Variants in SEMA3G observed in about 807,000 individuals in gnomAD.
The protein encoded by SEMA3G is semaphorin-3G.
Under a neutral mutation model 86.2 loss-of-function variants are expected in SEMA3G, and 70 were observed. The ratio of observed to expected loss-of-function variants is 0.81; its 90% CI spans 0.67 to 0.99. The LOEUF is 0.99. Ranked by LOEUF, SEMA3G falls within the 50% of genes least tolerant of loss-of-function variation. The pLI, the probability that SEMA3G is intolerant of heterozygous loss-of-function variation, is 0.00. For missense variants in SEMA3G, 1,002 were observed against 1,072.4 expected, an observed-to-expected ratio of 0.93 and a Z score of 0.92; for synonymous variants, 416 against 441.4, an observed-to-expected ratio of 0.94 and a Z score of 0.72.
chr3:52,442,919 T>C lies in SEMA3G; in HGVS notation c.116-12A>G, dbSNP rs372861327. Reference sequence around the variant, plus strand: ...GGCAGACAGGAGGTCTAGGAGGATGTATGGGGAGGCAGATCAGGGCCACAG... The same window carrying C: ...GGCAGACAGGAGGTCTAGGAGGATGCATGGGGAGGCAGATCAGGGCCACAG... On this transcript the variant is annotated splice_polypyrimidine_tract_variant and intron_variant, in intron 1 of 15. Transcript: ENST00000231721. This position sits in a 1 kb window ranked among gnomAD's most constrained non-coding sequence, Gnocchi z 6.1. 1.2e-5 allele frequency: 19 copies of C among 1,580,584 alleles called. No homozygotes were observed. The highest frequency in any genetic ancestry group is 1.6e-5 in the Non-Finnish European group (19 of 1,163,302).
rs761091278 is a variant in SEMA3G at position 52,433,867 on chromosome 3, C to G, written c.*1736G>C. ...CCCCATCCTTTCCTCCTCTCCTCCT[C>G]TGCCTTGACCAGCTGACCTCCCAGC... On this transcript the variant is annotated 3_prime_UTR_variant, in exon 16 of 16. Transcript: ENST00000231721. 1.3e-5 allele frequency: 2 copies of G among 152,502 alleles called. No individual in the cohort carries two copies. Among genetic ancestry groups the G allele is most frequent in the Non-Finnish European group, 2.9e-5 (2 of 68,216 alleles). The allele number at this position is 152,502 out of a possible 1,614,324, so 9.4% of individuals were successfully genotyped here.
rs774949591 is a variant in SEMA3G, at chr3:52,435,790, C to A, written c.2162G>T (p.Arg721Leu). ...CACGCGCTCACAGTACTCATCCACC[C>A]GGGGCAGGTTGGCGAAGCCAATGAG... is the stretch of plus-strand genomic sequence containing the variant. ...LQLIGFANLP[R>L]VDEYCERVWC... The change falls in exon 16 of 16, where the codon CGG becomes CTG. Residue 721 changes from arginine (R) to leucine (L), a missense_variant. By Grantham distance (102) the Arg-to-Leu change is moderately radical. Transcript: ENST00000231721. 1.2e-6 allele frequency: 2 copies of A among 1,614,156 alleles called. No individual in the cohort carries two copies. Among genetic ancestry groups the A allele is most frequent in the Non-Finnish European group, 1.7e-6 (2 of 1,180,028 alleles).
chr3:52,442,348 C>T lies in SEMA3G; in HGVS notation c.340-44G>A, dbSNP rs200247801. The T allele has an allele frequency of 4.1e-3, 6,637 of 1,599,500 alleles. 34 individuals are homozygous for T. Among genetic ancestry groups the T allele is most frequent in the South Asian group, 9.4e-3 (849 of 89,936 alleles). ...GGTGGTTGAGGGGTGAGAGGGGGTG[C>T]CCACCATCTCCTTGGGGCCCAAGGC... On this transcript the variant is annotated intron_variant, in intron 3 of 15. Transcript: ENST00000231721. This position sits in a 1 kb window ranked among gnomAD's most constrained non-coding sequence, Gnocchi z 6.1.
In SEMA3G at chr3:52,442,390, G is replaced by T. The variant is rs1430695453; in HGVS notation, c.340-86C>A. ...GCCCAAGGCTCAGCCCTGTCTGGCG[G>T]TCAGCTCTGGGGAGGGGGGTGGGTG... On this transcript the variant is annotated intron_variant, in intron 3 of 15. Transcript: ENST00000231721. This position sits in a 1 kb window ranked among gnomAD's most constrained non-coding sequence, Gnocchi z 6.1. The T allele has an allele frequency of 7.2e-6, 5 of 697,352 alleles. No homozygotes were observed. Among genetic ancestry groups the T allele is most frequent in the Non-Finnish European group, 1.2e-5 (5 of 430,038 alleles). The allele number at this position is 697,352 out of a possible 1,614,324, so 43.2% of individuals were successfully genotyped here.
intron 8 of SEMA3G, 43 bp downstream of exon 8, chr3:52,440,891 C>T: frequency 6.3e-7 from 1 of 1,598,826 alleles, no homozygotes; most frequent in Non-Finnish European, 8.5e-7. Context: ...GCTCTCAGCC[C>T]TCCCCACTCC....
At position 52,442,354 on chromosome 3, in the gene SEMA3G, A is replaced by C. The variant is rs767016009; in HGVS notation, c.340-50T>G. 1 of 1,347,664 alleles carries C rather than the reference A, an allele frequency of 7.4e-7. No homozygotes were observed. Among genetic ancestry groups the C allele is most frequent in the Non-Finnish European group, 9.9e-7 (1 of 1,012,548 alleles). 83.5% of individuals were successfully genotyped at this position (1,347,664 alleles called of 1,614,324 possible). On this transcript the variant is annotated intron_variant, in intron 3 of 15. Transcript: ENST00000231721. This position sits in a 1 kb window ranked among gnomAD's most constrained non-coding sequence, Gnocchi z 6.1. ...TGAGGGGTGAGAGGGGGTGCCCACCATCTCCTTGGGGCCCAAGGCTCAGCC... is the reference window on the plus strand; with the variant it reads ...TGAGGGGTGAGAGGGGGTGCCCACCCTCTCCTTGGGGCCCAAGGCTCAGCC...
intron 15 of SEMA3G, among the ~76,000 whole-genome samples, chr3:52,437,257 A>G (rs1025209006): frequency 2.0e-5 from 3 of 152,108 alleles, no homozygotes; most frequent in African/African-American, 7.2e-5. Context: ...AACATGGGAG[A>G]CTTACTGGCC....
intron 13 of SEMA3G, chr3:52,438,687 C>T: frequency 3.0e-6 from 3 of 985,512 alleles, no homozygotes; most frequent in South Asian, 9.4e-5. Context: ...CACACTTTTG[C>T]CTCCCTTAGG....
At chr3:52,440,599 A>G in intron 9 of SEMA3G, 78 bp from the exon 10 acceptor site, 1 of 1,507,188 alleles carries the variant, frequency 6.6e-7, no homozygotes, top group Non-Finnish European at 9.0e-7. Flanking sequence ...CATGGGCAGG[A>G]CAGAGGGTGA....
At position 52,440,951 on chromosome 3, in the gene SEMA3G, G is replaced by A. The variant is rs965238255; in HGVS notation, c.911C>T (p.Thr304Ile). 6.2e-7 allele frequency: 1 copy of A among 1,606,008 alleles called. No individual in the cohort carries two copies. The highest frequency in any genetic ancestry group is 1.1e-5 in the South Asian group (1 of 90,468). Residue 304 changes from threonine to isoleucine, a missense_variant, in exon 8 of 16, where the codon ACC becomes ATC. Thr to Ile is a moderately conservative substitution (Grantham distance 89). Transcript: ENST00000231721. Reference protein sequence around the residue: ...CSVPGPGGAETHFDQLEDVFL... With the variant: ...CSVPGPGGAEIHFDQLEDVFL... ...GCCCTCACCTAGCTGGTCAAAGTGG[G>A]TCTCGGCACCACCAGGGCCGGGCAC...
Position 52,434,048 on chromosome 3 carries a change from A to G in SEMA3G, c.*1555T>C, listed in dbSNP as rs1705999521. ...AGGGGTAAGGGAAAGATAAAACCCAAGGCAGTCTGGGTTTGAGTTTCAATA... is the reference window on the plus strand; with the variant it reads ...AGGGGTAAGGGAAAGATAAAACCCAGGGCAGTCTGGGTTTGAGTTTCAATA... On this transcript the variant is annotated 3_prime_UTR_variant, in exon 16 of 16. Coordinates refer to ENST00000231721, the MANE Select transcript of SEMA3G (RefSeq NM_020163.3). This position sits in a 1 kb window ranked among gnomAD's most constrained non-coding sequence, Gnocchi z 5.2. 1.3e-5 allele frequency: 2 copies of G among 152,122 alleles called. No homozygotes were observed. Among genetic ancestry groups the G allele is most frequent in the Non-Finnish European group, 2.9e-5 (2 of 68,024 alleles). 9.4% of individuals were successfully genotyped at this position (152,122 alleles called of 1,614,324 possible). A position where few individuals can be genotyped will look rare whatever the true frequency, so the allele number is the denominator to read the frequency against.
rs1348846667 is a variant in SEMA3G at position 52,433,607 on chromosome 3, T to C, written c.*1996A>G. The C allele has an allele frequency of 6.5e-6, 1 of 152,698 alleles. No homozygotes were observed. The highest frequency in any genetic ancestry group is 6.5e-5 in the Admixed American group (1 of 15,286). 9.5% of individuals were successfully genotyped at this position (152,698 alleles called of 1,614,324 possible). ...TTTTCTAAGTGCAGGTGTTCGTTGC[T>C]GAGGATCTTGTGCTCCTCCTCCCTT... On this transcript the variant is annotated 3_prime_UTR_variant, in exon 16 of 16. Coordinates refer to ENST00000231721, the MANE Select transcript of SEMA3G (RefSeq NM_020163.3).
chr3:52,438,959 C>T lies in SEMA3G; in HGVS notation c.1470G>A (p.Val490=). 6.2e-7 allele frequency: 1 copy of T among 1,613,354 alleles called. No homozygotes were observed. The highest frequency in any genetic ancestry group is 8.5e-7 in the Non-Finnish European group (1 of 1,179,572). Residue 490 remains valine, a splice_region_variant and synonymous_variant, in exon 13 of 16, where the codon GTG becomes GTA. Transcript: ENST00000231721. ...VVLEELQVFK[V]PTPITEMEIS... ...TCTCCATTTCGGTGATAGGTGTTGG[C>T]ACCTGGGGAAGGAGAAGGGTCTCAG...
At position 52,444,921 on chromosome 3, in the gene SEMA3G, G is replaced by C. The variant is rs1374597732; in HGVS notation, c.107C>G (p.Ser36Cys). Residue 36 changes from serine (S) to cysteine (C), a missense_variant, in exon 1 of 16, where the codon TCC becomes TGC. Coordinates refer to ENST00000231721, the MANE Select transcript of SEMA3G (RefSeq NM_020163.3). ...PGPSVPRLRLSYRDLLSANRS... is the reference protein window; with the variant it reads ...PGPSVPRLRLCYRDLLSANRS... ...CACGCAGGGGCTGGTACCTCGGTAGGAGAGCCGCAGGCGGGGCACACTGGG... is the reference window on the plus strand; with the variant it reads ...CACGCAGGGGCTGGTACCTCGGTAGCAGAGCCGCAGGCGGGGCACACTGGG... 7.7e-7 allele frequency: 1 copy of C among 1,304,376 alleles called. No individual in the cohort carries two copies. Among genetic ancestry groups the C allele is most frequent in the African/African-American group, 1.5e-5 (1 of 64,780 alleles). 80.8% of individuals were successfully genotyped at this position (1,304,376 alleles called of 1,614,324 possible).
In SEMA3G at chr3:52,442,951, C is replaced by A. The variant is rs375826147; in HGVS notation, c.116-44G>T. 2.3e-5 allele frequency: 36 copies of A among 1,557,850 alleles called. No individual in the cohort carries two copies. The African/African-American group carries it at 4.4e-4, about 19-fold the overall frequency. On this transcript the variant is annotated intron_variant, in intron 1 of 15. Transcript: ENST00000231721. The surrounding 1 kb of genome is among the most constrained non-coding windows in gnomAD (Gnocchi z 6.1). ...AGGCAGATCAGGGCCACAGCTCAGC[C>A]TAGTTCCCCAGCCAAGGAGTGGAGG... is the stretch of plus-strand genomic sequence containing the variant.
rs1307807448 is a variant in SEMA3G at position 52,433,601 on chromosome 3, C to G, written c.*2002G>C. 1 of 152,562 alleles carries G rather than the reference C, an allele frequency of 6.6e-6. No individual in the cohort carries two copies. Among genetic ancestry groups the G allele is most frequent in the African/African-American group, 2.4e-5 (1 of 41,408 alleles). 9.5% of individuals were successfully genotyped at this position (152,562 alleles called of 1,614,324 possible). The stretch of plus-strand genomic sequence containing the variant: ...TCCACTTTTTCTAAGTGCAGGTGTT[C>G]GTTGCTGAGGATCTTGTGCTCCTCC... On this transcript the variant is annotated 3_prime_UTR_variant, in exon 16 of 16. Transcript: ENST00000231721.
At position 52,435,613 on chromosome 3, in the gene SEMA3G, T is replaced by C. The variant is rs773132315; in HGVS notation, c.2339A>G (p.Glu780Gly). The change falls in exon 16 of 16, where the codon GAG becomes GGG. Residue 780 changes from glutamate (E) to glycine (G), a missense_variant. By Grantham distance (98) the Glu-to-Gly change is moderately conservative. Transcript: ENST00000231721. Reference sequence around the variant, plus strand: ...CTCCTCTGCCCCCTTCTACGTGGCCTCCACCTCCCGGGGCGTCCGATTGTG... The same window carrying C: ...CTCCTCTGCCCCCTTCTACGTGGCCCCCACCTCCCGGGGCGTCCGATTGTG... ...AEHNRTPREV[E>G]AT The C allele has an allele frequency of 1.9e-6, 3 of 1,610,862 alleles. No homozygotes were observed. In the East Asian group the frequency reaches 6.7e-5, roughly 36 times the overall value.
intron 1 of SEMA3G, 96 bp downstream of exon 1, chr3:52,444,817 G>A: frequency 1.3e-6 from 1 of 754,280 alleles, no homozygotes; most frequent in East Asian, 3.4e-5. Context: ...CACCCAAACA[G>A]GGCACATGCA....
At chr3:52,437,828 ACTAGCAGGAG>A in intron 14 of SEMA3G, 133 bp downstream of exon 14, 1 of 1,096,102 alleles carries the variant, frequency 9.1e-7, no homozygotes, top group East Asian at 2.6e-5. Context: ...GCTTCCATGC[ACTAGCAGGAG>A]CTACACAGAG....
Sources: gnomAD v4.1 joint callset for allele counts (sites outside exome capture counted in the v4.1 genomes callset) on GRCh38, gnomAD v4.1.1 for gene constraint, Gnocchi (gnomAD v3.1) non-coding constraint, MANE v1.5 for transcripts, NCBI Gene and HGNC (gene_info 2026-07-23, HGNC 2026-07-21) for gene names.